TPTE: variants seen among roughly 807,000 people sequenced by gnomAD.
TPTE encodes the protein transmembrane phosphatase with tensin homology, also known as putative tyrosine-protein phosphatase TPTE.
Under a neutral mutation model 84.1 loss-of-function variants are expected in TPTE, and 59 were observed. The observed-to-expected ratio is 0.70, with a 90% CI of 0.57 to 0.87. The LOEUF (loss-of-function observed/expected upper bound fraction) is 0.87, where lower values mean the gene tolerates loss of function less well. Ranked by LOEUF, TPTE falls within the 40% of genes least tolerant of loss-of-function variation. The pLI, the probability that TPTE is intolerant of heterozygous loss-of-function variation, is 0.00. For missense variants in TPTE, 382 were observed against 659.6 expected, an observed-to-expected ratio of 0.58 and a Z score of 4.61; for synonymous variants, 130 against 223.5, an observed-to-expected ratio of 0.58 and a Z score of 3.73.
At chr21:10,523,791 A>C (rs1276760851) in intron 1 of TPTE, among the ~76,000 whole-genome samples, 4 of 152,304 alleles carry the variant, frequency 2.6e-5, no homozygotes, top group Non-Finnish European at 5.9e-5. Flanking sequence ...AGCATGATTT[A>C]TAGTCCTTTG....
intron 20 of TPTE, among the ~76,000 whole-genome samples, chr21:10,597,456 C>T (rs2075609971): frequency 1.3e-5 from 2 of 151,144 alleles, no homozygotes; most frequent in Admixed American, 6.6e-5. Flanking sequence ...GTTCTGTTGC[C>T]CAGGCTGGAG....
At chr21:10,549,782 G>A (rs1197411661) in intron 7 of TPTE, among the ~76,000 whole-genome samples, 6 of 152,306 alleles carry the variant, frequency 3.9e-5, no homozygotes, top group South Asian at 2.1e-4. Flanking sequence ...TAATAAAATA[G>A]CGTAAAACTT....
chr21:10,594,181 T>TC (rs752037017), intron 19 of TPTE, among the ~76,000 whole-genome samples: 4 of 152,306 alleles, frequency 2.6e-5, no homozygotes, highest in African/African-American at 9.6e-5. Context: ...CATCCCATAC[T>TC]CCAACACATT....
chr21:10,551,920 G>A (rs1274861355), intron 7 of TPTE, among the ~76,000 whole-genome samples: 2 of 152,306 alleles, frequency 1.3e-5, no homozygotes, highest in African/African-American at 4.8e-5. Context: ...GTAATAAAAA[G>A]GCTTTCAACA....
chr21:10,556,427 TCATC>T (rs1353128470), intron 8 of TPTE, among the ~76,000 whole-genome samples: 1 of 152,312 alleles, frequency 6.6e-6, no homozygotes, highest in Non-Finnish European at 1.5e-5. Context: ...CACATTTTCT[TCATC>T]CAGTCTATCA....
chr21:10,581,505 A>G (rs1478655976), intron 17 of TPTE, among the ~76,000 whole-genome samples: 1 of 152,312 alleles, frequency 6.6e-6, no homozygotes, highest in African/African-American at 2.4e-5. Flanking sequence ...GGTATGTACG[A>G]GAGCAGCCTC....
intron 7 of TPTE, among the ~76,000 whole-genome samples, chr21:10,546,182 G>T (rs2074464448): frequency 6.6e-6 from 1 of 152,308 alleles, no homozygotes; most frequent in Non-Finnish European, 1.5e-5. Context: ...AATTCTTGCA[G>T]TATTCCAAAC....
chr21:10,532,118 AT>A (rs1247374514), intron 3 of TPTE, among the ~76,000 whole-genome samples: 1 of 152,304 alleles, frequency 6.6e-6, no homozygotes, highest in Non-Finnish European at 1.5e-5. Context: ...ATTCTAAAAA[AT>A]TTTGAAAAAT....
At chr21:10,540,035 CAAAAACAA>C (rs1568958482) in intron 4 of TPTE, among the ~76,000 whole-genome samples, 1 of 152,264 alleles carries the variant, frequency 6.6e-6, no homozygotes, top group African/African-American at 2.4e-5. Context: ...CAACAACAAA[CAAAAACAA>C]AAAACCAAAA....
chr21:10,560,994 CATTT>C (rs368014885), intron 9 of TPTE, 32 bp from the exon 10 acceptor site: 999 of 1,577,270 alleles, frequency 6.3e-4, no homozygotes, highest in Middle Eastern at 1.2e-3. Context: ...TTTATCTTTG[CATTT>C]ATTTATTTAT....
At chr21:10,604,041 G>A (rs1447752126) in intron 23 of TPTE, among the ~76,000 whole-genome samples, 12 of 152,386 alleles carry the variant, frequency 7.9e-5, no homozygotes, top group African/African-American at 2.9e-4. Context: ...ACCTAGGGAG[G>A]CTTCAGCTAG....
Position 10,583,390 on chromosome 21 carries a change from A to C in TPTE, c.1027+4785A>C, listed in dbSNP as rs1263941224. 2.6e-5 allele frequency among the ~76,000 whole-genome samples: 4 copies of C among 152,422 alleles called. No individual in the cohort carries two copies. The East Asian group carries it at 7.7e-4, about 29-fold the overall frequency. On this transcript the variant is annotated intron_variant, in intron 17 of 23. Transcript: ENST00000618007. The stretch of plus-strand genomic sequence containing the variant: ...TGTGGATATCCTTTTTTGTAAAGTA[A>C]CTTTTTAATTTTCTTAACCATTTTT...
intron 5 of TPTE, 39 bp from the exon 6 acceptor site, chr21:10,542,356 A>C: frequency 6.2e-7 from 1 of 1,605,746 alleles, no homozygotes; most frequent in Non-Finnish European, 8.5e-7. Flanking sequence ...ATTCAGAATT[A>C]TGTCTCCTCT....
intron 7 of TPTE, among the ~76,000 whole-genome samples, chr21:10,544,574 C>T (rs1253047384): frequency 1.7e-4 from 26 of 152,274 alleles, no homozygotes; most frequent in Admixed American, 8.5e-4. Flanking sequence ...TTGGTAGGGG[C>T]GGGGTTTCAC....
intron 23 of TPTE, among the ~76,000 whole-genome samples, chr21:10,605,098 GCTTTC>G (rs1979115851): frequency 6.6e-6 from 1 of 152,308 alleles, no homozygotes; most frequent in Non-Finnish European, 1.5e-5. Flanking sequence ...TTATTACTGG[GCTTTC>G]ATTCATGTCT....
intron 3 of TPTE, among the ~76,000 whole-genome samples, chr21:10,534,307 GC>G (rs2074230488): frequency 6.6e-6 from 1 of 152,306 alleles, no homozygotes; most frequent in Non-Finnish European, 1.5e-5. Flanking sequence ...TGGCTCTTCA[GC>G]CCTTCCCTGT....
At chr21:10,564,557 A>G (rs2074876724) in intron 10 of TPTE, among the ~76,000 whole-genome samples, 1 of 152,300 alleles carries the variant, frequency 6.6e-6, no homozygotes, top group Admixed American at 6.5e-5. Context: ...ACCAAAACCA[A>G]AAACATGCTA....
At chr21:10,589,494 G>A (rs1231811267) in intron 17 of TPTE, among the ~76,000 whole-genome samples, 2 of 151,714 alleles carry the variant, frequency 1.3e-5, no homozygotes, top group Admixed American at 6.5e-5. Context: ...GGGGATTGGG[G>A]GCACAAGATG....
intron 17 of TPTE, among the ~76,000 whole-genome samples, chr21:10,580,545 G>T (rs1165718863): frequency 2.0e-5 from 3 of 152,304 alleles, no homozygotes. Flanking sequence ...GAGATAGGTT[G>T]CAATTTCATT....
Sources: gnomAD v4.1 joint callset for allele counts (sites outside exome capture counted in the v4.1 genomes callset) on GRCh38, gnomAD v4.1.1 for gene constraint, MANE v1.5 for transcripts, NCBI Gene and HGNC (gene_info 2026-07-23, HGNC 2026-07-21) for gene names.